Variants in TRPM7 observed in about 807,000 individuals in gnomAD.
TRPM7 encodes transient receptor potential cation channel subfamily M member 7, also known as LTRPC ion channel family member 7.
In TRPM7, 134 loss-of-function variants were observed where a neutral mutation model predicts 229.7. That is an observed-to-expected ratio of 0.58 (90% CI 0.51 to 0.67). The LOEUF (loss-of-function observed/expected upper bound fraction) is 0.67. TRPM7 is among the 30% of genes least tolerant of loss of function. TRPM7 has a pLI of 0.00. For missense variants in TRPM7, 1,901 were observed against 2,210.0 expected, an observed-to-expected ratio of 0.86 and a Z score of 2.80; for synonymous variants, 699 against 715.2, an observed-to-expected ratio of 0.98 and a Z score of 0.36.
At chr15:50,634,170 A>C (rs2060817865) in intron 8 of TRPM7, among the ~76,000 whole-genome samples, 1 of 151,974 alleles carries the variant, frequency 6.6e-6, no homozygotes, top group Admixed American at 6.6e-5. Flanking sequence ...AAGATACAAA[A>C]ATTAGCCAGA....
intron 30 of TRPM7, among the ~76,000 whole-genome samples, chr15:50,579,252 G>A (rs2054284126): frequency 6.6e-6 from 1 of 152,118 alleles, no homozygotes; most frequent in Non-Finnish European, 1.5e-5. Context: ...AACAGAATGA[G>A]AATAAAGGAA....
rs779398000 is a variant in TRPM7, at chr15:50,574,305, T to C, written c.5277A>G (p.Thr1759=). 1.9e-6 allele frequency: 3 copies of C among 1,613,976 alleles called. No individual in the cohort carries two copies. Among genetic ancestry groups the C allele is most frequent in the Non-Finnish European group, 2.5e-6 (3 of 1,179,922 alleles). Residue 1759 remains threonine (T), a synonymous_variant, in exon 36 of 39, where the codon ACA becomes ACG. Transcript: ENST00000646667. ...LAFSHWTYEY[T]RGELLVLDLQ... ...AATCAAGTACCAGTAACTCCCCTCT[T>C]GTATATTCGTAAGTCCAGTGGCTAA...
At chr15:50,652,328 CAAAAAAAAAAAAAAA>C (rs34122648) in intron 3 of TRPM7, among the ~76,000 whole-genome samples, 13 of 34,234 alleles carry the variant, frequency 3.8e-4, no homozygotes, top group Middle Eastern at 0.05. Context: ...GACTCCATCT[CAAAAAAAAAAAAAAA>C]AAAAAAAAAA....
chr15:50,669,534 G>A (rs2061946726), intron 1 of TRPM7, among the ~76,000 whole-genome samples: 1 of 152,170 alleles, frequency 6.6e-6, no homozygotes, highest in African/African-American at 2.4e-5. Context: ...AATTTCGAAA[G>A]CCTATATAAT....
At chr15:50,645,364 T>A (rs951688733) in intron 4 of TRPM7, among the ~76,000 whole-genome samples, 5 of 151,384 alleles carry the variant, frequency 3.3e-5, no homozygotes, top group African/African-American at 9.8e-5. Context: ...TAAATAGGAT[T>A]TGTTCTTTTT....
At chr15:50,664,737 G>A (rs1394897214) in intron 1 of TRPM7, among the ~76,000 whole-genome samples, 6 of 152,108 alleles carry the variant, frequency 3.9e-5, no homozygotes, top group African/African-American at 1.2e-4. Flanking sequence ...GAGGCAGGAA[G>A]ATGGCTTGAG....
At chr15:50,618,518 C>T (rs533702580) in intron 13 of TRPM7, among the ~76,000 whole-genome samples, 1 of 151,596 alleles carries the variant, frequency 6.6e-6, no homozygotes, top group Non-Finnish European at 1.5e-5. Context: ...TGCAGTGAGC[C>T]AAGATCACGC....
chr15:50,587,959 C>G (rs1196663980), intron 27 of TRPM7, among the ~76,000 whole-genome samples: 1 of 152,036 alleles, frequency 6.6e-6, no homozygotes, highest in Non-Finnish European at 1.5e-5. Context: ...TTCTCATTCC[C>G]GCTTTTCTTC....
intron 13 of TRPM7, among the ~76,000 whole-genome samples, chr15:50,615,111 C>T (rs1382120180): frequency 7.2e-6 from 1 of 138,668 alleles, no homozygotes; most frequent in African/African-American, 2.7e-5. Flanking sequence ...TGCAGTGAGC[C>T]GAGATAGTGC....
chr15:50,679,528 A>ATTT (rs1415779921), intron 1 of TRPM7, among the ~76,000 whole-genome samples: 1 of 47,382 alleles, frequency 2.1e-5, no homozygotes, highest in African/African-American at 1.1e-4. Context: ...ATATATATAT[A>ATTT]TATATATATA....
rs200482404 is a variant in TRPM7 at position 50,580,926 on chromosome 15, C to A, written c.4558-18G>T. 29 of 1,473,132 alleles carry A rather than the reference C, an allele frequency of 2.0e-5. No homozygotes were observed. In the Admixed American group the frequency reaches 4.7e-4, roughly 24 times the overall value. 91.3% of individuals were successfully genotyped at this position (1,473,132 alleles called of 1,614,324 possible). On this transcript the variant is annotated intron_variant, in intron 29 of 38. Transcript: ENST00000646667. ...AACCAATCCTTCAGTAAAAAAAAAA[C>A]ACACACACACAAAAACCTTAAAGAC...
chr15:50,633,498 T>C (rs1294167166), intron 8 of TRPM7, among the ~76,000 whole-genome samples: 1 of 152,212 alleles, frequency 6.6e-6, no homozygotes. Context: ...TTTACTTATA[T>C]ATAACTTTCC....
At position 50,570,097 on chromosome 15, in the gene TRPM7, T is replaced by G; in HGVS notation, c.5360+7A>C. ...TATGCCTTAATGAAATAGTTAAAAC[T>G]TATTACCTCTTTTCTTCTGCTTTTA... is the stretch of plus-strand genomic sequence containing the variant. On this transcript the variant is annotated splice_region_variant and intron_variant, in intron 37 of 38. Transcript: ENST00000646667. 1 of 1,610,088 alleles carries G rather than the reference T, an allele frequency of 6.2e-7. No individual in the cohort carries two copies. Among genetic ancestry groups the G allele is most frequent in the Non-Finnish European group, 8.5e-7 (1 of 1,178,078 alleles).
In TRPM7 at chr15:50,663,005, T is replaced by C; in HGVS notation, c.45A>G (p.Glu15=). The part of the protein sequence containing the change: ...SWIESTLTKR[E]CVYIIPSSKD... ...TGGAACTTGGTATAATATATACACA[T>C]TCCCTCTTGGTCAAAGTGCTTTCTA... Residue 15 remains glutamate (E), a synonymous_variant, in exon 2 of 39, where the codon GAA becomes GAG. Coordinates refer to ENST00000646667, the MANE Select transcript of TRPM7 (RefSeq NM_017672.6). 6.2e-7 allele frequency: 1 copy of C among 1,613,856 alleles called. No individual in the cohort carries two copies. Among genetic ancestry groups the C allele is most frequent in the South Asian group, 1.1e-5 (1 of 91,068 alleles).
chr15:50,595,798 A>C (rs997695895), intron 23 of TRPM7, among the ~76,000 whole-genome samples: 5 of 152,180 alleles, frequency 3.3e-5, no homozygotes, highest in Admixed American at 6.5e-5. Flanking sequence ...CTGAAAACTA[A>C]GGTTGCAGTG....
intron 22 of TRPM7, among the ~76,000 whole-genome samples, chr15:50,597,769 A>G (rs1255417000): frequency 6.6e-6 from 1 of 151,766 alleles, no homozygotes; most frequent in Non-Finnish European, 1.5e-5. Context: ...AAAACAAAAA[A>G]CTAGCCAGGC....
chr15:50,668,305 A>T (rs2061926227), intron 1 of TRPM7, among the ~76,000 whole-genome samples: 2 of 152,206 alleles, frequency 1.3e-5, no homozygotes, highest in African/African-American at 4.8e-5. Flanking sequence ...TGTAAGACTC[A>T]TCTTTTTTAC....
At chr15:50,675,427 T>C (rs1171157577) in intron 1 of TRPM7, among the ~76,000 whole-genome samples, 1 of 152,094 alleles carries the variant, frequency 6.6e-6, no homozygotes, top group African/African-American at 2.4e-5. Flanking sequence ...TACCTCTCAT[T>C]CTGTTTATGT....
intron 1 of TRPM7, among the ~76,000 whole-genome samples, chr15:50,664,697 T>C (rs1375169380): frequency 3.9e-5 from 6 of 152,186 alleles, no homozygotes; most frequent in Admixed American, 3.9e-4. Flanking sequence ...CCAGGCATGG[T>C]GGCTCACGCC....
Sources: gnomAD v4.1 joint callset for allele counts (sites outside exome capture counted in the v4.1 genomes callset) on GRCh38, gnomAD v4.1.1 for gene constraint, MANE v1.5 for transcripts, NCBI Gene and HGNC (gene_info 2026-07-23, HGNC 2026-07-21) for gene names.